The following CORO7 variants were observed in gnomAD, a reference collection of about 807,000 sequenced individuals.
CORO7 encodes the protein coronin 7, also known as coronin-7.
A neutral mutation model predicts 126.6 loss-of-function variants in CORO7; 107 were observed. The ratio of observed to expected loss-of-function variants is 0.85; its 90% confidence interval spans 0.72 to 0.99. CORO7 has a LOEUF of 0.99. Among genes scored for constraint, CORO7 ranks in the 50% least tolerant of loss-of-function variants. The pLI is 0.00. For synonymous variants in CORO7, 603 were observed against 536.8 expected, an observed-to-expected ratio of 1.12 and a Z score of -1.70; for missense variants, 1,314 against 1,255.8, an observed-to-expected ratio of 1.05 and a Z score of -0.70.
chr16:4,361,992 AC>A lies in CORO7; in HGVS notation c.1570del (p.Val524CysfsTer24). On this transcript the variant is annotated frameshift_variant, in exon 16 of 28. Coordinates refer to ENST00000251166, the MANE Select transcript of CORO7 (RefSeq NM_024535.5). LOFTEE classifies it high-confidence loss of function. The stretch of plus-strand genomic sequence containing the variant: ...GTGGGGTGGGGCCCTCACCTCAAGC[AC>A]AGCCACCTGTCCCCCGCTGCTGAGC... ...PLLSSGGQVA[V>X]LELRKPGRLP... 1 of 1,607,008 alleles carries A rather than the reference AC, an allele frequency of 6.2e-7. No individual in the cohort carries two copies. The highest frequency in any genetic ancestry group is 8.5e-7 in the Non-Finnish European group (1 of 1,177,322).
chr16:4,387,121 A>G (rs565390622), intron 9 of CORO7, among the ~76,000 whole-genome samples: 45 of 152,300 alleles, frequency 3.0e-4, no homozygotes, highest in Non-Finnish European at 2.8e-4. Context: ...AAGTTTCAGA[A>G]GGCGGATGGA....
Position 4,382,122 on chromosome 16 carries a change from C to T in CORO7, c.785+5864G>A, listed in dbSNP as rs756476597. 3.3e-5 allele frequency: 53 copies of T among 1,588,496 alleles called. No homozygotes were observed. The Middle Eastern group carries it at 8.3e-4, about 25-fold the overall frequency. On this transcript the variant is annotated intron_variant, in intron 9 of 27. Coordinates refer to ENST00000251166, the MANE Select transcript of CORO7 (RefSeq NM_024535.5). Reference sequence around the variant, plus strand: ...AGGACTGCCCACCGTCCACCTGCCTCAATGGGGGCACATGCCACCTGGGGA... The same window carrying T: ...AGGACTGCCCACCGTCCACCTGCCTTAATGGGGGCACATGCCACCTGGGGA...
chr16:4,380,962 C>G (rs773395579), intron 9 of CORO7: 9 of 1,602,996 alleles, frequency 5.6e-6, no homozygotes, highest in Admixed American at 1.7e-5. Context: ...ATCCGGCTGC[C>G]AGTGCAGCCA....
chr16:4,375,866 T>C (rs2054706350), intron 9 of CORO7, among the ~76,000 whole-genome samples: 1 of 152,174 alleles, frequency 6.6e-6, no homozygotes, highest in Admixed American at 6.5e-5. Context: ...ATGATTCTGA[T>C]GTGCAGCCCG....
chr16:4,358,186 A>C, intron 24 of CORO7, 83 bp from the exon 25 acceptor site: 3 of 1,561,604 alleles, frequency 1.9e-6, no homozygotes, highest in Non-Finnish European at 2.6e-6. Context: ...GGACAGGGCA[A>C]GACCTGGGAC....
intron 3 of CORO7, among the ~76,000 whole-genome samples, chr16:4,408,773 G>A (rs2056102199): frequency 6.6e-6 from 1 of 152,174 alleles, no homozygotes; most frequent in Non-Finnish European, 1.5e-5. Flanking sequence ...GACCAGCCTG[G>A]GCAACACGGT....
chr16:4,395,043 C>T (rs1044083312), intron 7 of CORO7, among the ~76,000 whole-genome samples: 4 of 152,332 alleles, frequency 2.6e-5, no homozygotes, highest in African/African-American at 9.6e-5. Context: ...ACGATGGCCT[C>T]CGTGGAGAGC....
At chr16:4,404,976 G>A (rs1350824987) in intron 6 of CORO7, among the ~76,000 whole-genome samples, 1 of 152,134 alleles carries the variant, frequency 6.6e-6, no homozygotes, top group Non-Finnish European at 1.5e-5. Flanking sequence ...GCACCCGCCT[G>A]CCCCGCACCT....
intron 9 of CORO7, chr16:4,382,684 C>CGGGCCA: frequency 6.5e-7 from 1 of 1,545,808 alleles, no homozygotes; most frequent in Non-Finnish European, 8.7e-7. Context: ...GCGGCGGGGG[C>CGGGCCA]GGGCCATGGC....
chr16:4,380,014 C>T (rs1411694439), intron 9 of CORO7, among the ~76,000 whole-genome samples: 5 of 150,954 alleles, frequency 3.3e-5, no homozygotes, highest in East Asian at 3.9e-4. Context: ...GCCGAGATCT[C>T]GCCACTGCAC....
At chr16:4,356,298 C>G (rs914904105) in intron 26 of CORO7, 8 of 152,210 alleles carry the variant, frequency 5.3e-5, no homozygotes, top group African/African-American at 1.9e-4. Context: ...TGGGGTTTCA[C>G]TGGTCTCAGG....
intron 9 of CORO7, chr16:4,387,664 G>T (rs879507003): frequency 1.2e-5 from 4 of 344,752 alleles, no homozygotes; most frequent in African/African-American, 6.2e-5. Flanking sequence ...AAAATGAAGC[G>T]TATTCTTGCA....
At chr16:4,377,579 C>T (rs1429177536) in intron 9 of CORO7, among the ~76,000 whole-genome samples, 3 of 152,212 alleles carry the variant, frequency 2.0e-5, no homozygotes, top group Non-Finnish European at 4.4e-5. Flanking sequence ...CTGAGGCCCA[C>T]AGTTGAGAAA....
At chr16:4,413,251 T>C in intron 2 of CORO7, 57 bp downstream of exon 2, 1 of 1,511,812 alleles carries the variant, frequency 6.6e-7, no homozygotes, top group Non-Finnish European at 8.9e-7. Context: ...CCACCCCATC[T>C]ATGGTGACGA....
At chr16:4,369,100 A>C (rs1453327896) in intron 9 of CORO7, among the ~76,000 whole-genome samples, 1 of 152,224 alleles carries the variant, frequency 6.6e-6, no homozygotes, top group Non-Finnish European at 1.5e-5. Context: ...CCAGCCACTG[A>C]CTCAGGAGCT....
Position 4,405,651 on chromosome 16 carries a change from C to T in CORO7, c.488-84G>A, listed in dbSNP as rs948606841. On this transcript the variant is annotated intron_variant, in intron 5 of 27. Transcript: ENST00000251166. ...GGGGCGGGCCTTGCTGGGGGGAACT[C>T]CCAGAGCAAAGGCAGCAGCTACGAG... 1.3e-6 allele frequency: 2 copies of T among 1,517,102 alleles called. 1 individual carries two copies. Among genetic ancestry groups the T allele is most frequent in the South Asian group, 2.4e-5 (2 of 84,190 alleles). 94.0% of individuals were successfully genotyped at this position (1,517,102 alleles called of 1,614,324 possible).
At chr16:4,381,733 C>T (rs1480573278) in intron 9 of CORO7, 2 of 1,605,548 alleles carry the variant, frequency 1.2e-6, no homozygotes, top group African/African-American at 2.7e-5. Context: ...CCTCTCGGGC[C>T]TCTTCCCCCG....
At position 4,360,556 on chromosome 16, in the gene CORO7, C is replaced by T. The variant is rs1472978923; in HGVS notation, c.1918-8G>A. 3 of 1,590,362 alleles carry T rather than the reference C, an allele frequency of 1.9e-6. No individual in the cohort carries two copies. Among genetic ancestry groups the T allele is most frequent in the Non-Finnish European group, 2.6e-6 (3 of 1,169,072 alleles). ...CCAGGCCAGGCTGAAGATCTGGGGG[C>T]AGGAAGGGATATGAGAGACAGCCTT... On this transcript the variant is annotated splice_polypyrimidine_tract_variant and splice_region_variant and intron_variant, in intron 19 of 27. Transcript: ENST00000251166.
chr16:4,412,282 T>C, intron 3 of CORO7, 74 bp downstream of exon 3: 1 of 1,535,894 alleles, frequency 6.5e-7, no homozygotes, highest in Non-Finnish European at 9.0e-7. Context: ...TGGGACCAGG[T>C]GAGGATGAAT....
Sources: gnomAD v4.1 joint callset for allele counts (sites outside exome capture counted in the v4.1 genomes callset) on GRCh38, gnomAD v4.1.1 for gene constraint, MANE v1.5 for transcripts, NCBI Gene and HGNC (gene_info 2026-07-23, HGNC 2026-07-21) for gene names.